The following CNTNAP2 variants were observed in gnomAD, a reference collection of about 807,000 sequenced individuals.
CNTNAP2 encodes the protein contactin associated protein 2.
A neutral mutation model predicts 155.2 loss-of-function variants in CNTNAP2; 98 were observed. The observed-to-expected ratio is 0.63, with a 90% CI of 0.54 to 0.75. The LOEUF (loss-of-function observed/expected upper bound fraction) is 0.75, where lower values mean the gene tolerates loss of function less well. Ranked by LOEUF, CNTNAP2 falls within the 30% of genes least tolerant of loss-of-function variation. The pLI is 0.00. For missense variants in CNTNAP2, 1,727 were observed against 1,688.1 expected, an observed-to-expected ratio of 1.02 and a Z score of -0.40; for synonymous variants, 651 against 631.2, an observed-to-expected ratio of 1.03 and a Z score of -0.47.
At chr7:146,159,831 T>C (rs150555743) in intron 1 of CNTNAP2, among the ~76,000 whole-genome samples, 2,811 of 152,154 alleles carry the variant, frequency 0.018, 78 homozygotes, top group African/African-American at 0.063. Flanking sequence ...GACAGATCAA[T>C]GAGACAGAAA....
At chr7:147,581,031 C>T (rs988177912) in intron 12 of CNTNAP2, among the ~76,000 whole-genome samples, 1 of 152,178 alleles carries the variant, frequency 6.6e-6, no homozygotes, top group African/African-American at 2.4e-5. Flanking sequence ...AGACATGGCA[C>T]TTCATGTGAA....
chr7:147,907,824 C>A (rs2116759133), intron 14 of CNTNAP2, among the ~76,000 whole-genome samples: 1 of 152,150 alleles, frequency 6.6e-6, no homozygotes, highest in South Asian at 2.1e-4. Context: ...CTCTGTCAAC[C>A]AGGCTGAGGT....
intron 13 of CNTNAP2, among the ~76,000 whole-genome samples, chr7:147,685,682 C>T (rs887548210): frequency 3.3e-5 from 5 of 151,710 alleles, no homozygotes; most frequent in Non-Finnish European, 5.9e-5. Context: ...TATACATACA[C>T]GCATGCATAT....
At chr7:147,292,549 A>T (rs1423151489) in intron 8 of CNTNAP2, among the ~76,000 whole-genome samples, 1 of 152,092 alleles carries the variant, frequency 6.6e-6, no homozygotes, top group Non-Finnish European at 1.5e-5. Context: ...ATCGCATGGT[A>T]TGTATCTCCA....
At chr7:147,198,232 C>CTTTTTTTTTTTT (rs71525992) in intron 8 of CNTNAP2, among the ~76,000 whole-genome samples, 3 of 113,094 alleles carry the variant, frequency 2.7e-5, no homozygotes, top group Non-Finnish European at 5.2e-5. Flanking sequence ...TTCCAATATC[C>CTTTTTTTTTTTT]TTTTTTTTTT....
At chr7:147,312,219 G>C (rs2620444) in intron 9 of CNTNAP2, among the ~76,000 whole-genome samples, 1 of 151,200 alleles carries the variant, frequency 6.6e-6, no homozygotes, top group Admixed American at 6.6e-5. Context: ...CTCAAGTAAT[G>C]AAAAATATTT....
chr7:147,144,365 C>T (rs1482379968), intron 8 of CNTNAP2, among the ~76,000 whole-genome samples: 4 of 152,274 alleles, frequency 2.6e-5, no homozygotes, highest in East Asian at 1.9e-4. Context: ...CTTGGGTTCA[C>T]GTAAGACCAT....
At chr7:146,696,873 A>T (rs187871140) in intron 1 of CNTNAP2, among the ~76,000 whole-genome samples, 256 of 152,296 alleles carry the variant, frequency 1.7e-3, no homozygotes, top group Admixed American at 6.0e-3. Context: ...GTGTAACAGT[A>T]TACTTTAAAT....
intron 1 of CNTNAP2, among the ~76,000 whole-genome samples, chr7:146,591,424 A>G (rs2372613): frequency 0.83 from 125,719 of 151,674 alleles, 52,733 homozygotes; most frequent in African/African-American, 0.9. Context: ...TAATTGAGAA[A>G]TGTAAAATAA....
At chr7:147,475,012 T>G (rs541738026) in intron 10 of CNTNAP2, among the ~76,000 whole-genome samples, 141 of 152,346 alleles carry the variant, frequency 9.3e-4, no homozygotes, top group Non-Finnish European at 1.8e-3. Context: ...TCCCTCTTGC[T>G]TTCTTCCCCT....
At chr7:147,833,133 T>G (rs1798580780) in intron 13 of CNTNAP2, among the ~76,000 whole-genome samples, 1 of 151,340 alleles carries the variant, frequency 6.6e-6, no homozygotes, top group South Asian at 2.1e-4. Flanking sequence ...TTAGGTTTTT[T>G]TTTTTTTTCA....
intron 2 of CNTNAP2, among the ~76,000 whole-genome samples, chr7:146,778,146 G>A (rs538232134): frequency 6.6e-6 from 1 of 152,190 alleles, no homozygotes; most frequent in East Asian, 1.9e-4. Flanking sequence ...ATGCAGAAAA[G>A]AACAAATTCA....
chr7:147,400,856 C>T (rs1452656181), intron 10 of CNTNAP2, among the ~76,000 whole-genome samples: 1 of 152,194 alleles, frequency 6.6e-6, no homozygotes, highest in Non-Finnish European at 1.5e-5. Flanking sequence ...TATCAACTAT[C>T]ACTTATCTAA....
At chr7:147,886,979 C>T (rs1490840222) in intron 13 of CNTNAP2, among the ~76,000 whole-genome samples, 1 of 152,172 alleles carries the variant, frequency 6.6e-6, no homozygotes, top group Non-Finnish European at 1.5e-5. Context: ...AATGTCACAT[C>T]CATGATACTC....
intron 15 of CNTNAP2, among the ~76,000 whole-genome samples, chr7:147,989,853 C>G (rs1801679426): frequency 6.6e-6 from 1 of 152,196 alleles, no homozygotes; most frequent in African/African-American, 2.4e-5. Flanking sequence ...CCCTACAGCC[C>G]TTCTTAATTT....
chr7:146,153,786 T>G (rs539045365), intron 1 of CNTNAP2, among the ~76,000 whole-genome samples: 1 of 152,310 alleles, frequency 6.6e-6, no homozygotes, highest in Admixed American at 6.5e-5. Flanking sequence ...ACACATTACA[T>G]AAATCCATTG....
intron 10 of CNTNAP2, among the ~76,000 whole-genome samples, chr7:147,422,070 A>AGT (rs891019939): frequency 1.0e-4 from 15 of 144,636 alleles, no homozygotes; most frequent in East Asian, 8.6e-4. Context: ...ATGGCCTAAT[A>AGT]GTGTGTGTGT....
intron 14 of CNTNAP2, chr7:147,940,089 G>T (rs1313930183): frequency 1.3e-5 from 2 of 152,028 alleles, no homozygotes; most frequent in Non-Finnish European, 2.9e-5. Context: ...AGTTCTGCGT[G>T]GTAGTGCACT....
At chr7:146,227,989 A>G (rs1011510503) in intron 1 of CNTNAP2, among the ~76,000 whole-genome samples, 4 of 152,130 alleles carry the variant, frequency 2.6e-5, no homozygotes, top group African/African-American at 4.8e-5. Context: ...TGGTTTTGTT[A>G]TTATTATTAT....
Sources: gnomAD v4.1 joint callset for allele counts (sites outside exome capture counted in the v4.1 genomes callset) on GRCh38, gnomAD v4.1.1 for gene constraint, MANE v1.5 for transcripts, NCBI Gene and HGNC (gene_info 2026-07-23, HGNC 2026-07-21) for gene names.